Variants in STOX2 observed in about 807,000 individuals in gnomAD.
The protein encoded by STOX2 is storkhead-box protein 2.
Under a neutral mutation model 60.9 loss-of-function variants are expected in STOX2, and 28 were observed. That is an observed-to-expected ratio of 0.46 (90% CI 0.34 to 0.63). The LOEUF is 0.63. STOX2 is among the 30% of genes least tolerant of loss of function. The pLI is 0.01. For synonymous variants in STOX2, 472 were observed against 463.9 expected (o/e 1.02, Z -0.22); for missense variants, 1,024 against 1,187.7 (o/e 0.86, Z 2.03).
At chr4:183,910,117 T>C (rs1741736724) in intron 1 of STOX2, among the ~76,000 whole-genome samples, 1 of 152,202 alleles carries the variant, frequency 6.6e-6, no homozygotes, top group Admixed American at 6.5e-5. Flanking sequence ...TGAATATTAA[T>C]TTCCCAGTGG....
At chr4:183,820,861 G>A (rs57925023) in intron 1 of STOX2, among the ~76,000 whole-genome samples, 123 of 152,126 alleles carry the variant, frequency 8.1e-4, no homozygotes, top group African/African-American at 2.9e-3. Context: ...TATAGTCCCA[G>A]CACTGTGGTA....
In STOX2 at chr4:183,915,109, A is replaced by G. The variant is rs997398715; in HGVS notation, c.166+8153A>G. Among the ~76,000 whole-genome samples, 7 of 152,234 alleles carry G rather than the reference A, an allele frequency of 4.6e-5. No individual in the cohort carries two copies. In the East Asian group the frequency reaches 1.3e-3, roughly 29 times the overall value. On this transcript the variant is annotated intron_variant, in intron 1 of 3. Coordinates refer to ENST00000308497, the MANE Select transcript of STOX2 (RefSeq NM_020225.3). ...ATTTATCTTTCTACTTTAATCCGTG[A>G]TGGCCCCTCCAGGCCAAGTTTTCTT...
chr4:183,999,626 C>T (rs969787222), intron 1 of STOX2, among the ~76,000 whole-genome samples: 2 of 152,144 alleles, frequency 1.3e-5, no homozygotes, highest in African/African-American at 4.8e-5. Flanking sequence ...GAGGCCTGAG[C>T]CTTGGGCACT....
intron 1 of STOX2, among the ~76,000 whole-genome samples, chr4:183,828,826 G>A (rs1374286079): frequency 6.6e-6 from 1 of 152,196 alleles, no homozygotes; most frequent in African/African-American, 2.4e-5. Context: ...TGTACCTTGA[G>A]CCTGATGGAG....
chr4:183,906,268 C>G lies in STOX2; in HGVS notation c.-523C>G, dbSNP rs1010634654. On this transcript the variant is annotated 5_prime_UTR_variant, in exon 1 of 4. Transcript: ENST00000308497. Reference sequence around the variant, plus strand: ...TCCCCACGCCTCGCGCTGAGCTGCCCGGCGCGGAGGGTCTGCCGCCGCCCC... The same window carrying G: ...TCCCCACGCCTCGCGCTGAGCTGCCGGGCGCGGAGGGTCTGCCGCCGCCCC... The G allele has an allele frequency of 1.3e-5, 2 of 152,300 alleles. No homozygotes were observed. The highest frequency in any genetic ancestry group is 6.5e-5 in the Admixed American group (1 of 15,294). The allele number at this position is 152,300 out of a possible 1,614,324, so 9.4% of individuals were successfully genotyped here.
At chr4:183,822,805 T>A (rs1402148381) in intron 1 of STOX2, among the ~76,000 whole-genome samples, 4 of 152,208 alleles carry the variant, frequency 2.6e-5, no homozygotes, top group Admixed American at 2.6e-4. Context: ...CATGATTGTA[T>A]TTAATCTTCA....
At chr4:183,901,497 T>G (rs1406385430), upstream of STOX2, among the ~76,000 whole-genome samples, 1 of 152,168 alleles carries the variant, frequency 6.6e-6, no homozygotes, top group African/African-American at 2.4e-5. Context: ...CATACTGTTT[T>G]CCACAGTAGC....
chr4:183,947,567 A>G (rs959559186), intron 1 of STOX2, among the ~76,000 whole-genome samples: 4 of 152,232 alleles, frequency 2.6e-5, no homozygotes, highest in African/African-American at 4.8e-5. Context: ...AAAGCAAATC[A>G]TAGTAGCACT....
chr4:183,869,751 C>A (rs1740645618), intron 1 of STOX2, among the ~76,000 whole-genome samples: 1 of 152,198 alleles, frequency 6.6e-6, no homozygotes, highest in African/African-American at 2.4e-5. Context: ...TAGAAACAAT[C>A]AGTGACTATT....
At chr4:183,812,937 TC>T (rs1394035220) in intron 1 of STOX2, among the ~76,000 whole-genome samples, 14 of 152,240 alleles carry the variant, frequency 9.2e-5, no homozygotes, top group African/African-American at 2.9e-4. Context: ...CACTGCCTTC[TC>T]AAGTCATAAA....
chr4:184,003,708 A>G (rs1263005552), intron 2 of STOX2, among the ~76,000 whole-genome samples: 2 of 152,254 alleles, frequency 1.3e-5, no homozygotes, highest in Non-Finnish European at 2.9e-5. Context: ...GGCAGAGTTG[A>G]GTAGTAGCAA....
chr4:183,997,901 T>C (rs138073523), intron 1 of STOX2, among the ~76,000 whole-genome samples: 3 of 152,318 alleles, frequency 2.0e-5, no homozygotes, highest in Non-Finnish European at 4.4e-5. Context: ...GCATGCTGCC[T>C]CTTGGAGTTG....
intron 1 of STOX2, among the ~76,000 whole-genome samples, chr4:183,824,085 T>C (rs966029261): frequency 3.3e-5 from 5 of 152,190 alleles, no homozygotes; most frequent in African/African-American, 1.2e-4. Flanking sequence ...TGGGAAGGCA[T>C]CAGATGTTAG....
At chr4:183,892,610 A>C (rs1430513008) in intron 1 of STOX2, among the ~76,000 whole-genome samples, 4 of 152,180 alleles carry the variant, frequency 2.6e-5, no homozygotes, top group Admixed American at 2.6e-4. Context: ...GCACGCTGAC[A>C]AGGGCATCAA....
chr4:184,009,236 C>G lies in STOX2; in HGVS notation c.398C>G (p.Pro133Arg), dbSNP rs1265042354. ...CGGGAGAGGAAGATCTACCCAACTC[C>G]AGATGGCTACTTCATCGTGACCCCA... ...LVRERKIYPT[P>R]DGYFIVTPQT... Residue 133 changes from proline to arginine, a missense_variant, in exon 3 of 4, where the codon CCA (proline) becomes CGA (arginine). By Grantham distance (103) the Pro-to-Arg change is moderately radical. Transcript: ENST00000308497. The surrounding 1 kb of genome is among the most constrained non-coding windows in gnomAD (Gnocchi z 4.0). 1 of 1,603,034 alleles carries G rather than the reference C, an allele frequency of 6.2e-7. No individual in the cohort carries two copies. Among genetic ancestry groups the G allele is most frequent in the Non-Finnish European group, 8.5e-7 (1 of 1,172,826 alleles).
chr4:183,947,075 C>T (rs1224777068), intron 1 of STOX2, among the ~76,000 whole-genome samples: 1 of 36,164 alleles, frequency 2.8e-5, no homozygotes, highest in African/African-American at 3.4e-5. Context: ...TTTCGGTATC[C>T]TGGTGGGGGG....
At chr4:183,910,056 T>C (rs1470473824) in intron 1 of STOX2, among the ~76,000 whole-genome samples, 1 of 152,216 alleles carries the variant, frequency 6.6e-6, no homozygotes, top group East Asian at 1.9e-4. Flanking sequence ...TTCATGAGCT[T>C]CCTAGCAACC....
chr4:183,822,463 TG>T (rs1487517746), intron 1 of STOX2, among the ~76,000 whole-genome samples: 1 of 152,184 alleles, frequency 6.6e-6, no homozygotes. Context: ...GTAGAATCAG[TG>T]GGAGCCCTGA....
intron 1 of STOX2, among the ~76,000 whole-genome samples, chr4:183,819,550 G>A (rs1428631191): frequency 3.6e-5 from 5 of 138,868 alleles, no homozygotes; most frequent in African/African-American, 1.1e-4. Context: ...AGAGGGAGAG[G>A]GAGACTGTGG....
Sources: gnomAD v4.1 joint callset for allele counts (sites outside exome capture counted in the v4.1 genomes callset) on GRCh38, gnomAD v4.1.1 for gene constraint, Gnocchi (gnomAD v3.1) non-coding constraint, MANE v1.5 for transcripts, NCBI Gene and HGNC (gene_info 2026-07-23, HGNC 2026-07-21) for gene names.